POLA1: variants seen among roughly 807,000 people sequenced by gnomAD.
The protein encoded by POLA1 is DNA polymerase alpha catalytic subunit.
POLA1 carries 15 observed loss-of-function variants against 124.0 expected under a neutral mutation model. The ratio of observed to expected loss-of-function variants is 0.12; its 90% CI spans 0.08 to 0.19. The LOEUF is 0.19. POLA1 is among the 10% of genes least tolerant of loss of function. The pLI is 1.00. For missense variants in POLA1, 886 were observed against 1,103.4 expected (o/e 0.80, Z 2.79); for synonymous variants, 408 against 389.4 (o/e 1.05, Z -0.56).
At chrX:24,823,362 G>T (rs2046120250) in intron 31 of POLA1, among the ~76,000 whole-genome samples, 1 of 109,601 alleles carries the variant, frequency 9.1e-6, no homozygotes, top group African/African-American at 3.3e-5. Flanking sequence ...TCATAATGCA[G>T]CCATATTTTT....
chrX:24,768,645 A>G (rs2044962038), intron 26 of POLA1, among the ~76,000 whole-genome samples: 1 of 112,260 alleles, frequency 8.9e-6, no homozygotes, highest in Non-Finnish European at 1.9e-5. Context: ...TCACATCGCA[A>G]AGCAAAAATA....
chrX:24,936,119 T>A (rs774711063), intron 36 of POLA1, among the ~76,000 whole-genome samples: 38 of 112,524 alleles, frequency 3.4e-4, no homozygotes, highest in South Asian at 1.1e-3. Context: ...ACTCATGAAG[T>A]GCTAATAGTT....
In POLA1 at chrX:24,843,579, A is replaced by G. The variant is rs1358302851; in HGVS notation, c.3949A>G (p.Ser1317Gly). Residue 1317 changes from serine to glycine, a missense_variant, in exon 34 of 37, where the codon AGT becomes GGT. Around this residue, in one of 7 missense-constraint regions of POLA1, gnomAD observed 313 missense variants for 359.7 expected, o/e 0.87. Coordinates refer to ENST00000379068, the MANE Select transcript of POLA1 (RefSeq NM_001330360.2). ...TATGGAGCCCAGCTTGTATCGTTGC[A>G]GTAACATCGATTGTAAGGCTTCACC... is the stretch of plus-strand genomic sequence containing the variant. ...TDMEPSLYRC[S>G]NIDCKASPLT... is the part of the protein sequence containing the mutation. 3.4e-6 allele frequency: 4 copies of G among 1,189,615 alleles called. No individual in the cohort carries two copies.
Position 24,748,536 on chromosome X carries a change from T to G in POLA1, c.2841+76T>G, listed in dbSNP as rs1329252847. 1.1e-5 allele frequency: 9 copies of G among 827,934 alleles called. No individual in the cohort carries two copies. In the Admixed American group the frequency reaches 2.7e-4, roughly 25 times the overall value. 68.2% of individuals were successfully genotyped at this position (827,934 alleles called of 1,213,427 possible). A position where few individuals can be genotyped will look rare whatever the true frequency, so the allele number is the denominator to read the frequency against. On this transcript the variant is annotated intron_variant, in intron 25 of 36. Coordinates refer to ENST00000379068, the MANE Select transcript of POLA1 (RefSeq NM_001330360.2). ...TTTGATTATTTATGAGTAAACAGGA[T>G]GCTGGGCAATTGCAGGTACTTATTT...
chrX:24,752,602 A>G, intron 26 of POLA1, among the ~76,000 whole-genome samples: 1 of 112,180 alleles, frequency 8.9e-6, no homozygotes. Context: ...GTGATTGTTC[A>G]CTAGATGGCG....
At chrX:24,865,878 G>C (rs1243074238) in intron 34 of POLA1, among the ~76,000 whole-genome samples, 1 of 111,389 alleles carries the variant, frequency 9.0e-6, no homozygotes, top group African/African-American at 3.3e-5. Flanking sequence ...AAGAATTAAT[G>C]ATTATAAGGA....
In POLA1 at chrX:24,693,933, G is replaced by C. The variant is rs1344951976; in HGVS notation, c.-29G>C. The C allele has an allele frequency of 3.4e-6, 4 of 1,183,110 alleles. No individual in the cohort carries two copies. The highest frequency in any genetic ancestry group is 2.3e-6 in the Non-Finnish European group (2 of 880,244). Reference sequence around the variant, plus strand: ...CGGCCCCCGCGCCAGTTTTGGGCTGGTTGGCGCGGAATCGGGAGATTCGGG... The same window carrying C: ...CGGCCCCCGCGCCAGTTTTGGGCTGCTTGGCGCGGAATCGGGAGATTCGGG... On this transcript the variant is annotated 5_prime_UTR_variant, in exon 1 of 37. Transcript: ENST00000379068.
At chrX:24,919,815 T>G (rs112868940) in intron 35 of POLA1, among the ~76,000 whole-genome samples, 1,251 of 95,197 alleles carry the variant, frequency 0.013, 26 homozygotes, top group African/African-American at 0.049. Flanking sequence ...TTTGTTTTTT[T>G]TTTTGTTTTT....
At chrX:24,918,263 A>G (rs1271803547) in intron 35 of POLA1, among the ~76,000 whole-genome samples, 1 of 110,756 alleles carries the variant, frequency 9.0e-6, no homozygotes, top group African/African-American at 3.3e-5. Flanking sequence ...CATTTTTGAA[A>G]ATTTCATTGT....
chrX:24,709,554 G>A (rs1299498617), intron 4 of POLA1, among the ~76,000 whole-genome samples: 23 of 107,250 alleles, frequency 2.1e-4, no homozygotes, highest in African/African-American at 7.7e-4. Flanking sequence ...CTTCCCAGAT[G>A]GGGTGGCTGC....
At chrX:24,740,172 TC>T (rs1349691562) in intron 20 of POLA1, among the ~76,000 whole-genome samples, 1 of 111,886 alleles carries the variant, frequency 8.9e-6, no homozygotes, top group Non-Finnish European at 1.9e-5. Context: ...CCTAGGTTCT[TC>T]CTATAGTCTT....
chrX:24,751,789 G>A (rs952405394), intron 26 of POLA1, among the ~76,000 whole-genome samples: 2 of 112,140 alleles, frequency 1.8e-5, no homozygotes, highest in African/African-American at 6.5e-5. Context: ...TAAAGAGGTA[G>A]GAGGAGTGAA....
chrX:24,943,488 T>G (rs1257265226), intron 36 of POLA1, among the ~76,000 whole-genome samples: 3 of 112,443 alleles, frequency 2.7e-5, no homozygotes, highest in East Asian at 2.8e-4. Context: ...TTCTTCAAGT[T>G]TACTGGTATA....
In POLA1 at chrX:24,727,164, T is replaced by A. The variant is rs1301989341; in HGVS notation, c.1531+93T>A. 4.1e-6 allele frequency: 3 copies of A among 734,348 alleles called. No homozygotes were observed. In the African/African-American group the frequency reaches 6.5e-5, roughly 16 times the overall value. The allele number at this position is 734,348 out of a possible 1,213,427, so 60.5% of individuals were successfully genotyped here. On this transcript the variant is annotated intron_variant, in intron 14 of 36. Transcript: ENST00000379068. ...TAGGAAATTGATCTATTTATTTTAA[T>A]GTGTCTACTTCCTTTTCTGTTTGTT...
intron 6 of POLA1, 41 bp downstream of exon 6, chrX:24,715,244 T>C: frequency 1.2e-6 from 1 of 832,296 alleles, no homozygotes; most frequent in Admixed American, 2.4e-5. Flanking sequence ...GCAGAGGACA[T>C]AGACTGAAGA....
intron 30 of POLA1, among the ~76,000 whole-genome samples, chrX:24,819,248 A>G (rs190069104): frequency 1.8e-5 from 2 of 112,671 alleles, no homozygotes; most frequent in African/African-American, 6.4e-5. Flanking sequence ...TCGTACTTAT[A>G]TCAGAAAAGT....
chrX:24,705,332 A>G (rs1213371472), intron 4 of POLA1, among the ~76,000 whole-genome samples: 2 of 111,880 alleles, frequency 1.8e-5, no homozygotes, highest in Non-Finnish European at 3.8e-5. Flanking sequence ...TAAAAAATGC[A>G]AAGAATATGT....
intron 36 of POLA1, among the ~76,000 whole-genome samples, chrX:24,934,088 G>A (rs1415668762): frequency 1.8e-5 from 2 of 111,776 alleles, no homozygotes; most frequent in East Asian, 2.8e-4. Context: ...CAGGATGGCC[G>A]CATGAAATGG....
intron 36 of POLA1, among the ~76,000 whole-genome samples, chrX:24,985,989 T>C (rs1163030502): frequency 1.8e-5 from 2 of 110,986 alleles, no homozygotes; most frequent in Non-Finnish European, 3.8e-5. Context: ...CTGACCAACA[T>C]GGAGAAACCC....
Sources: allele counts gnomAD v4.1 joint callset (sites outside exome capture counted in the v4.1 genomes callset), GRCh38; gene constraint gnomAD v4.1.1; regional missense constraint gnomAD v4.1.1; transcripts MANE v1.5; gene names NCBI Gene and HGNC (gene_info 2026-07-23, HGNC 2026-07-21).